Variants in LOX observed in about 807,000 individuals in gnomAD.
LOX encodes protein-lysine 6-oxidase.
A neutral mutation model predicts 50.5 loss-of-function variants in LOX; 12 were observed. The ratio of observed to expected loss-of-function variants is 0.24; its 90% CI spans 0.15 to 0.38. The LOEUF is 0.38. Ranked by LOEUF, LOX falls within the 10% of genes least tolerant of loss-of-function variation. The probability of loss-of-function intolerance (pLI) is 1.00; values close to 1 mark genes in which losing one functional copy is unlikely to be tolerated. For missense variants in LOX, 504 were observed against 563.8 expected (o/e 0.89, Z 1.07); for synonymous variants, 254 against 230.6 (o/e 1.10, Z -0.92).
Position 122,077,501 on chromosome 5 carries a change from C to G in LOX, c.485G>C (p.Arg162Pro). 5 of 1,613,700 alleles carry G rather than the reference C, an allele frequency of 3.1e-6. No homozygotes were observed. Among genetic ancestry groups the G allele is most frequent in the Non-Finnish European group, 3.4e-6 (4 of 1,180,000 alleles). ...GTCGTCGCCCACCATGCCGTCCACGCGGCTGGGCGGCCGCAGGTTACTGAG... is the reference window on the plus strand; with the variant it reads ...GTCGTCGCCCACCATGCCGTCCACGGGGCTGGGCGGCCGCAGGTTACTGAG... ...PALSNLRPPSRVDGMVGDDPY... is the reference protein window; with the variant it reads ...PALSNLRPPSPVDGMVGDDPY... Residue 162 changes from arginine (R) to proline (P), a missense_variant, in exon 1 of 7, where the codon CGC becomes CCC. Physicochemically the swap from Arg to Pro is moderately radical, Grantham distance 103. This residue lies in a region of LOX where 398 missense variants were observed against 365.8 expected (regional missense o/e 1.09). Coordinates refer to ENST00000231004, the MANE Select transcript of LOX (RefSeq NM_002317.7). The surrounding 1 kb of genome is among the most constrained non-coding windows in gnomAD (Gnocchi z 4.9).
chr5:122,077,802 A>G lies in LOX; in HGVS notation c.184T>C (p.Ser62Pro), dbSNP rs2152591629. ...CGGCGGCGCTGAGGCTGGTACTGTG[A>G]GCCCAGGCTCAGCAAGCTGAACACC... is the stretch of plus-strand genomic sequence containing the variant. ...GQVFSLLSLG[S>P]QYQPQRRRDP... The change falls in exon 1 of 7, where the codon TCA (serine) becomes CCA (proline). Residue 62 changes from serine (S) to proline (P), a missense_variant. Physicochemically the swap from Ser to Pro is moderately conservative, Grantham distance 74 (BLOSUM62 -1). Around this residue, in one of 2 missense-constraint regions of LOX, gnomAD observed 398 missense variants for 365.8 expected, o/e 1.09. Transcript: ENST00000231004. The surrounding 1 kb of genome is among the most constrained non-coding windows in gnomAD (Gnocchi z 4.9). 6.5e-7 allele frequency: 1 copy of G among 1,549,912 alleles called. No homozygotes were observed. Among genetic ancestry groups the G allele is most frequent in the South Asian group, 1.2e-5 (1 of 84,772 alleles).
Position 122,070,164 on chromosome 5 carries a change from C to A in LOX, c.1136G>T (p.Ser379Ile). ...AGGAACCAGGTAGCTGGGGTTTACA[C>A]TGACCTGGGCAACACAAAGAGTTCC... ...VKPGNYILKVSVNPSYLVPES... is the reference protein window; with the variant it reads ...VKPGNYILKVIVNPSYLVPES... Residue 379 changes from serine to isoleucine, a missense_variant, in exon 6 of 7, where the codon AGT becomes ATT. Ser to Ile is a moderately radical substitution (Grantham distance 142). This residue lies in a region of LOX where 106 missense variants were observed against 198.1 expected (regional missense o/e 0.54). Transcript: ENST00000231004. The A allele has an allele frequency of 6.4e-7, 1 of 1,561,916 alleles. No individual in the cohort carries two copies. Among genetic ancestry groups the A allele is most frequent in the Non-Finnish European group, 8.8e-7 (1 of 1,132,762 alleles).
chr5:122,071,193 ATGTGTGTGTG>A (rs35544795), intron 4 of LOX, among the ~76,000 whole-genome samples: 94 of 149,928 alleles, frequency 6.3e-4, no homozygotes, highest in African/African-American at 2.0e-3. Context: ...AAACATTTAT[ATGTGTGTGTG>A]TGTGTGTGTG....
At chr5:122,071,854 GC>G (rs1754460618) in intron 4 of LOX, among the ~76,000 whole-genome samples, 1 of 152,124 alleles carries the variant, frequency 6.6e-6, no homozygotes, top group Non-Finnish European at 1.5e-5. Context: ...TTTGGGAAGA[GC>G]AGGGGAGAAT....
intron 3 of LOX, among the ~76,000 whole-genome samples, chr5:122,074,592 C>A (rs1754559956): frequency 6.6e-6 from 1 of 152,134 alleles, no homozygotes. Flanking sequence ...AAATTGAGTT[C>A]TCACATATTT....
chr5:122,077,667 C>T lies in LOX; in HGVS notation c.319G>A (p.Ala107Thr), dbSNP rs1472377407. 7.5e-6 allele frequency: 12 copies of T among 1,605,224 alleles called. No homozygotes were observed. Among genetic ancestry groups the T allele is most frequent in the Non-Finnish European group, 9.3e-6 (11 of 1,177,246 alleles). ...NRTAAARTRT[A>T]GSSGVTAGRP... is the part of the protein sequence containing the mutation. ...CCAGCGGTGACTCCAGATGAGCCGG[C>T]CGTCCGCGTTCGCGCCGCGGCGGTG... The change falls in exon 1 of 7, where the codon GCC becomes ACC. Residue 107 changes from alanine to threonine, a missense_variant. Transcript: ENST00000231004. The surrounding 1 kb of genome is among the most constrained non-coding windows in gnomAD (Gnocchi z 4.9).
Position 122,065,465 on chromosome 5 carries a change from A to T in LOX, c.*1278T>A, listed in dbSNP as rs1415022875. ...AAAATTCTCAAAATTCTATTATGGC[A>T]CATGGTTTCACAGTTTCAAATGAAA... On this transcript the variant is annotated 3_prime_UTR_variant, in exon 7 of 7. Transcript: ENST00000231004. 6.6e-6 allele frequency: 1 copy of T among 152,126 alleles called. No homozygotes were observed. Among genetic ancestry groups the T allele is most frequent in the Non-Finnish European group, 1.5e-5 (1 of 67,988 alleles). The allele number at this position is 152,126 out of a possible 1,614,324, so 9.4% of individuals were successfully genotyped here.
rs922606863 is a variant in LOX at position 122,063,418 on chromosome 5, C to T, written c.*3325G>A. ...AAACCTAACACCAAATGACATGTTA[C>T]TTAGTTTATAGCAAGCAGTTTTATA... On this transcript the variant is annotated 3_prime_UTR_variant, in exon 7 of 7. Coordinates refer to ENST00000231004, the MANE Select transcript of LOX (RefSeq NM_002317.7). The T allele has an allele frequency of 6.6e-6, 1 of 151,868 alleles. No individual in the cohort carries two copies. Among genetic ancestry groups the T allele is most frequent in the African/African-American group, 2.4e-5 (1 of 41,392 alleles). The allele number at this position is 151,868 out of a possible 1,614,324, so 9.4% of individuals were successfully genotyped here. A position where few individuals can be genotyped will look rare whatever the true frequency, so the allele number is the denominator to read the frequency against.
chr5:122,065,905 G>T lies in LOX; in HGVS notation c.*838C>A, dbSNP rs543229514. The T allele has an allele frequency of 2.5e-4, 38 of 152,142 alleles. No individual in the cohort carries two copies. The highest frequency in any genetic ancestry group is 8.2e-4 in the African/African-American group (34 of 41,516). 9.4% of individuals were successfully genotyped at this position (152,142 alleles called of 1,614,324 possible). On this transcript the variant is annotated 3_prime_UTR_variant, in exon 7 of 7. Transcript: ENST00000231004. The stretch of plus-strand genomic sequence containing the variant: ...GATGTATCACATCAGTCATCAAAAT[G>T]ACTTTCCAGTTTCACGGCTGCCTTA...
chr5:122,068,572 G>C (rs1754365125), intron 6 of LOX, among the ~76,000 whole-genome samples: 1 of 152,146 alleles, frequency 6.6e-6, no homozygotes, highest in South Asian at 2.1e-4. Flanking sequence ...CAGTGAGTGA[G>C]AGGCTGCAAG....
chr5:122,075,047 TA>T (rs1180142408), intron 3 of LOX, among the ~76,000 whole-genome samples: 1 of 152,236 alleles, frequency 6.6e-6, no homozygotes, highest in Non-Finnish European at 1.5e-5. Flanking sequence ...ATGCTTGTGA[TA>T]AAAAACGTGT....
In LOX at chr5:122,077,742, C is replaced by G; in HGVS notation, c.244G>C (p.Ala82Pro). ...PGAAVPGAAN[A>P]SAQQPRTPIL... ...GGAGTGCGGGGCTGCTGGGCGGAGG[C>G]GTTGGCTGCACCAGGGACGGCGGCG... The change falls in exon 1 of 7, where the codon GCC becomes CCC. Residue 82 changes from alanine to proline, a missense_variant. Transcript: ENST00000231004. The surrounding 1 kb of genome is among the most constrained non-coding windows in gnomAD (Gnocchi z 4.9). 2.5e-6 allele frequency: 4 copies of G among 1,568,890 alleles called. No homozygotes were observed. Among genetic ancestry groups the G allele is most frequent in the Non-Finnish European group, 3.4e-6 (4 of 1,162,046 alleles).
At position 122,077,046 on chromosome 5, in the gene LOX, G is replaced by GC. The variant is rs1332160448; in HGVS notation, c.632-46dup. On this transcript the variant is annotated intron_variant, in intron 1 of 6. Transcript: ENST00000231004. This position sits in a 1 kb window ranked among gnomAD's most constrained non-coding sequence, Gnocchi z 4.9. ...GGGCGCAGCAGTGAAACAACCCGGC[G>GC]CCCCCCGCTCCAACTCCCTACCCCT... 1.9e-6 allele frequency: 3 copies of GC among 1,604,712 alleles called. No individual in the cohort carries two copies. The highest frequency in any genetic ancestry group is 2.2e-5 in the East Asian group (1 of 44,826).
intron 6 of LOX, among the ~76,000 whole-genome samples, chr5:122,067,695 A>T (rs542567984): frequency 6.6e-6 from 1 of 152,022 alleles, no homozygotes; most frequent in South Asian, 2.1e-4. Flanking sequence ...TTTTTGTCCA[A>T]CTCGTAACTC....
At position 122,063,637 on chromosome 5, in the gene LOX, AAT is replaced by A. The variant is rs1423731124; in HGVS notation, c.*3104_*3105del. 6.6e-6 allele frequency: 1 copy of A among 151,914 alleles called. No homozygotes were observed. The highest frequency in any genetic ancestry group is 1.5e-5 in the Non-Finnish European group (1 of 67,872). 9.4% of individuals were successfully genotyped at this position (151,914 alleles called of 1,614,324 possible). A position where few individuals can be genotyped will look rare whatever the true frequency, so the allele number is the denominator to read the frequency against. On this transcript the variant is annotated 3_prime_UTR_variant, in exon 7 of 7. Coordinates refer to ENST00000231004, the MANE Select transcript of LOX (RefSeq NM_002317.7). Reference sequence around the variant, plus strand: ...TTGATTGTGAATATGAGTTCAAAAAAATATGTATATATAGAAAAAAGAGTACT... The same window carrying A: ...TTGATTGTGAATATGAGTTCAAAAAAATGTATATATAGAAAAAAGAGTACT...
rs1487006352 is a variant in LOX at position 122,077,866 on chromosome 5, G to T, written c.120C>A (p.Gly40=). 2 of 1,535,244 alleles carry T rather than the reference G, an allele frequency of 1.3e-6. No homozygotes were observed. The highest frequency in any genetic ancestry group is 2.5e-5 in the East Asian group (1 of 39,770). The part of the protein sequence containing the change: ...QPPREPPAAP[G]AWRQQIQWEN... ...CCCATTGGATCTGCTGGCGCCAGGC[G>T]CCCGGAGCCGCCGGCGGCTCGCGCG... is the stretch of plus-strand genomic sequence containing the variant. The change falls in exon 1 of 7, where the codon GGC becomes GGA. Residue 40 remains glycine, a synonymous_variant. Coordinates refer to ENST00000231004, the MANE Select transcript of LOX (RefSeq NM_002317.7). This position sits in a 1 kb window ranked among gnomAD's most constrained non-coding sequence, Gnocchi z 4.9.
chr5:122,076,652 G>A (rs1298134619), intron 2 of LOX, among the ~76,000 whole-genome samples: 1 of 152,314 alleles, frequency 6.6e-6, no homozygotes, highest in Non-Finnish European at 1.5e-5. Flanking sequence ...TCAGTCTCCA[G>A]GATAAGGGTT....
chr5:122,075,383 C>T (rs769100541), intron 3 of LOX, 21 bp downstream of exon 3: 1 of 1,574,792 alleles, frequency 6.4e-7, no homozygotes, highest in Non-Finnish European at 8.6e-7. Flanking sequence ...CCAAAAGTAC[C>T]CAGGAGGCCC....
intron 6 of LOX, among the ~76,000 whole-genome samples, chr5:122,068,174 TAAAAA>T (rs10650287): frequency 8.6e-6 from 1 of 115,910 alleles, no homozygotes; most frequent in Admixed American, 9.2e-5. Flanking sequence ...TAATAACTAG[TAAAAA>T]AAAAAAAAAA....
Sources: allele counts gnomAD v4.1 joint callset (sites outside exome capture counted in the v4.1 genomes callset), GRCh38; gene constraint gnomAD v4.1.1; regional missense constraint gnomAD v4.1.1; non-coding constraint Gnocchi (gnomAD v3.1); transcripts MANE v1.5; gene names NCBI Gene and HGNC (gene_info 2026-07-23, HGNC 2026-07-21).